The following PIWIL2 variants were observed in gnomAD, a reference collection of about 807,000 sequenced individuals.
PIWIL2 encodes piwi-like protein 2.
Under a neutral mutation model 116.5 loss-of-function variants are expected in PIWIL2, and 81 were observed. The ratio of observed to expected loss-of-function variants is 0.70; its 90% CI spans 0.58 to 0.84. The LOEUF is 0.84. Among genes scored for constraint, PIWIL2 ranks in the 40% least tolerant of loss-of-function variants. The probability of loss-of-function intolerance (pLI) is 0.00; values close to 1 mark genes in which losing one functional copy is unlikely to be tolerated. For synonymous variants in PIWIL2, 489 were observed against 429.5 expected (o/e 1.14, Z -1.71); for missense variants, 1,272 against 1,212.3 (o/e 1.05, Z -0.73).
intron 17 of PIWIL2, 124 bp from the exon 18 acceptor site, chr8:22,314,905 C>T (rs535086231): frequency 2.7e-5 from 18 of 665,378 alleles, no homozygotes; most frequent in African/African-American, 2.7e-4. Context: ...ATTATTAATG[C>T]GAAATGTGTT....
intron 10 of PIWIL2, among the ~76,000 whole-genome samples, chr8:22,292,888 C>T (rs1002257934): frequency 2.0e-5 from 3 of 152,096 alleles, no homozygotes; most frequent in Admixed American, 6.5e-5. Context: ...ATCTTAGTTT[C>T]TATTTGGTGG....
chr8:22,315,803 T>C (rs1831444671), intron 18 of PIWIL2, among the ~76,000 whole-genome samples: 1 of 152,226 alleles, frequency 6.6e-6, no homozygotes, highest in Non-Finnish European at 1.5e-5. Flanking sequence ...AGGTCAAGTA[T>C]GCTTTTTCTG....
At chr8:22,309,511 G>T (rs1442156696) in intron 14 of PIWIL2, among the ~76,000 whole-genome samples, 2 of 151,658 alleles carry the variant, frequency 1.3e-5, no homozygotes, top group African/African-American at 2.4e-5. Context: ...GCTAATTTTT[G>T]TATTTTTAGT....
In PIWIL2 at chr8:22,304,037, C is replaced by A; in HGVS notation, c.1198C>A (p.Gln400Lys). ...TTTCCAAAGGCATGCCATTTATCAG[C>A]AGAATAAAGAACACTTCCAGGATGA... is the stretch of plus-strand genomic sequence containing the variant. The part of the protein sequence containing the change: ...VLDVMHAIYQ[Q>K]NKEHFQDECT... Residue 400 changes from glutamine to lysine, a missense_variant, in exon 11 of 23, where the codon CAG (glutamine) becomes AAG (lysine). Physicochemically the swap from Gln to Lys is moderately conservative, Grantham distance 53. Transcript: ENST00000356766. The A allele has an allele frequency of 6.2e-7, 1 of 1,611,334 alleles. No individual in the cohort carries two copies.
chr8:22,341,555 A>G (rs902975978), intron 20 of PIWIL2, among the ~76,000 whole-genome samples: 1 of 145,072 alleles, frequency 6.9e-6, no homozygotes, highest in Admixed American at 7.6e-5. Flanking sequence ...GGATTGTGCC[A>G]TTGCACTCCA....
chr8:22,315,113 G>A lies in PIWIL2; in HGVS notation c.2176G>A (p.Gly726Ser), dbSNP rs772375962. Reference protein sequence around the residue: ...KILLQINCKLGGELWGVDIPL... With the variant: ...KILLQINCKLSGELWGVDIPL... The stretch of plus-strand genomic sequence containing the variant: ...TTTACTTCAGATTAACTGTAAATTG[G>A]GTGGTGAGCTCTGGGGAGTGGATAT... Residue 726 changes from glycine to serine, a missense_variant, in exon 18 of 23, where the codon GGT (glycine) becomes AGT (serine). Physicochemically the swap from Gly to Ser is moderately conservative, Grantham distance 56. Transcript: ENST00000356766. 6.2e-7 allele frequency: 1 copy of A among 1,610,036 alleles called. No homozygotes were observed. Among genetic ancestry groups the A allele is most frequent in the Admixed American group, 1.7e-5 (1 of 60,008 alleles).
intron 16 of PIWIL2, among the ~76,000 whole-genome samples, chr8:22,311,682 G>C (rs150415887): frequency 1.3e-5 from 2 of 152,318 alleles, no homozygotes; most frequent in Non-Finnish European, 2.9e-5. Flanking sequence ...AATTACTCTG[G>C]TGATGAACTT....
chr8:22,354,253 T>G lies in PIWIL2; in HGVS notation c.2658-18T>G. 6.5e-7 allele frequency: 1 copy of G among 1,533,280 alleles called. No individual in the cohort carries two copies. Among genetic ancestry groups the G allele is most frequent in the Non-Finnish European group, 9.0e-7 (1 of 1,106,258 alleles). 95.0% of individuals were successfully genotyped at this position (1,533,280 alleles called of 1,614,324 possible). A position where few individuals can be genotyped will look rare whatever the true frequency, so the allele number is the denominator to read the frequency against. ...GCTGAATCCGACCATTTCACTGATTTATGGTTTTCCTTCCTAGGGTGGATT... is the reference window on the plus strand; with the variant it reads ...GCTGAATCCGACCATTTCACTGATTGATGGTTTTCCTTCCTAGGGTGGATT... On this transcript the variant is annotated intron_variant, in intron 21 of 22. Coordinates refer to ENST00000356766, the MANE Select transcript of PIWIL2 (RefSeq NM_018068.5).
intron 20 of PIWIL2, among the ~76,000 whole-genome samples, chr8:22,333,568 C>T (rs571306905): frequency 2.6e-5 from 4 of 152,080 alleles, no homozygotes; most frequent in Admixed American, 1.3e-4. Context: ...GCCAATATCA[C>T]GCCATTCAAC....
chr8:22,332,693 G>A (rs1046434585), intron 20 of PIWIL2, among the ~76,000 whole-genome samples: 2 of 152,016 alleles, frequency 1.3e-5, no homozygotes, highest in African/African-American at 2.4e-5. Flanking sequence ...TAGCTACAAA[G>A]CACTAAAAGA....
intron 10 of PIWIL2, among the ~76,000 whole-genome samples, chr8:22,303,273 G>T (rs1247321412): frequency 6.6e-6 from 1 of 152,224 alleles, no homozygotes; most frequent in Non-Finnish European, 1.5e-5. Context: ...AATGGAGTAA[G>T]ATCTGTAGTC....
intron 8 of PIWIL2, 68 bp downstream of exon 8, chr8:22,288,734 G>A: frequency 7.3e-7 from 1 of 1,367,414 alleles, no homozygotes; most frequent in East Asian, 2.3e-5. Context: ...TGTTCTTCAA[G>A]ATACTTGGAT....
chr8:22,335,100 T>A (rs1231227704), intron 20 of PIWIL2, among the ~76,000 whole-genome samples: 6 of 147,428 alleles, frequency 4.1e-5, no homozygotes. Flanking sequence ...AAAGGACCAC[T>A]AAGAAAATAA....
chr8:22,311,900 C>G (rs947102082), intron 16 of PIWIL2, among the ~76,000 whole-genome samples: 2 of 152,154 alleles, frequency 1.3e-5, no homozygotes, highest in Admixed American at 1.3e-4. Context: ...GTAAATTGTT[C>G]TGGTGAGTTC....
chr8:22,347,856 A>G (rs1392007786), intron 20 of PIWIL2, among the ~76,000 whole-genome samples: 1 of 151,818 alleles, frequency 6.6e-6, no homozygotes, highest in African/African-American at 2.4e-5. Flanking sequence ...TTCCTGATAC[A>G]TTTCTCCCTC....
chr8:22,345,525 A>T (rs1406835909), intron 20 of PIWIL2, among the ~76,000 whole-genome samples: 1 of 152,068 alleles, frequency 6.6e-6, no homozygotes, highest in Admixed American at 6.6e-5. Flanking sequence ...TTAGCTGGGC[A>T]TGGTGGTGTG....
intron 10 of PIWIL2, among the ~76,000 whole-genome samples, chr8:22,291,155 CTTT>C (rs960886438): frequency 6.9e-6 from 1 of 144,152 alleles, no homozygotes; most frequent in Non-Finnish European, 1.5e-5. Flanking sequence ...CTTTTCTTTT[CTTT>C]TTTTTTTTCT....
At chr8:22,287,402 A>G (rs909471759) in intron 6 of PIWIL2, 126 bp from the exon 7 acceptor site, 191 of 716,316 alleles carry the variant, frequency 2.7e-4, no homozygotes, top group Non-Finnish European at 1.0e-4. Flanking sequence ...CTAGGCAGAT[A>G]GATAATTTTT....
chr8:22,282,322 G>C (rs1830528419), intron 4 of PIWIL2, among the ~76,000 whole-genome samples: 1 of 133,474 alleles, frequency 7.5e-6, no homozygotes, highest in African/African-American at 2.8e-5. Flanking sequence ...CACGATCTTG[G>C]CTCACTGCAA....
Sources: gnomAD v4.1 joint callset for allele counts (sites outside exome capture counted in the v4.1 genomes callset) on GRCh38, gnomAD v4.1.1 for gene constraint, MANE v1.5 for transcripts, NCBI Gene and HGNC (gene_info 2026-07-23, HGNC 2026-07-21) for gene names.